The following TBXAS1 variants were observed in gnomAD, a reference collection of about 807,000 sequenced individuals.
The protein encoded by TBXAS1 is thromboxane-A synthase.
Under a neutral mutation model 60.7 loss-of-function variants are expected in TBXAS1, and 48 were observed. That is an observed-to-expected ratio of 0.79 (90% CI 0.63 to 1.01). TBXAS1 has a LOEUF of 1.01. Ranked by LOEUF, TBXAS1 falls within the 50% of genes least tolerant of loss-of-function variation. The pLI is 0.00. For missense variants in TBXAS1, 685 were observed against 686.3 expected (o/e 1.00, Z 0.02); for synonymous variants, 287 against 269.7 (o/e 1.06, Z -0.63).
At chr7:139,951,890 GGAAGGAAGGAA>G (rs879358428) in intron 5 of TBXAS1, among the ~76,000 whole-genome samples, 6,753 of 28,550 alleles carry the variant, frequency 0.24, 1,974 homozygotes, top group African/African-American at 0.26. Flanking sequence ...AAAGAAGGAA[GGAAGGAAGGAA>G]AGAAAGAGAA....
At chr7:139,998,786 GTGTT>G (rs1813468030) in intron 9 of TBXAS1, among the ~76,000 whole-genome samples, 1 of 152,224 alleles carries the variant, frequency 6.6e-6, no homozygotes, top group Non-Finnish European at 1.5e-5. Flanking sequence ...CGTGGGTTGT[GTGTT>G]TGTGTGCGCA....
chr7:139,869,399 T>C (rs962463238), intron 1 of TBXAS1, among the ~76,000 whole-genome samples: 2 of 152,028 alleles, frequency 1.3e-5, no homozygotes, highest in African/African-American at 4.8e-5. Context: ...TATTTATTTA[T>C]TTTTTTGAGA....
intron 4 of TBXAS1, among the ~76,000 whole-genome samples, chr7:139,918,508 C>T (rs1375684006): frequency 6.6e-6 from 1 of 152,196 alleles, no homozygotes; most frequent in Non-Finnish European, 1.5e-5. Flanking sequence ...TGGCCAGAAA[C>T]TCTGCTGAGA....
At position 139,968,494 on chromosome 7, in the gene TBXAS1, C is replaced by T. The variant is rs571430948; in HGVS notation, c.1134+6261C>T. On this transcript the variant is annotated intron_variant, in intron 9 of 12. Coordinates refer to ENST00000448866, the MANE Select transcript of TBXAS1 (RefSeq NM_001061.7). ...ATTTTTAGTAGACATGGGATTTTTC[C>T]ATGTTGGTCAGTCTGGTCTTGAACT... 2.6e-5 allele frequency among the ~76,000 whole-genome samples: 4 copies of T among 152,182 alleles called. No homozygotes were observed. The South Asian group carries it at 8.3e-4, about 32-fold the overall frequency.
intron 9 of TBXAS1, among the ~76,000 whole-genome samples, chr7:140,001,033 G>A (rs1484930140): frequency 3.9e-5 from 6 of 152,218 alleles, no homozygotes; most frequent in Non-Finnish European, 5.9e-5. Flanking sequence ...CCAAGGCCAT[G>A]GCTAAGGGTT....
chr7:139,818,403 G>A (rs976772937), intron 4 of TBXAS1, among the ~76,000 whole-genome samples: 7 of 152,134 alleles, frequency 4.6e-5, no homozygotes, highest in African/African-American at 1.7e-4. Context: ...AATGTTCAAG[G>A]TACGAAGGTG....
intron 10 of TBXAS1, among the ~76,000 whole-genome samples, chr7:140,014,453 T>A (rs534369660): frequency 5.9e-5 from 9 of 152,034 alleles, no homozygotes; most frequent in African/African-American, 2.2e-4. Flanking sequence ...GGAAGTTGAA[T>A]CTGGGAGGGC....
intron 4 of TBXAS1, among the ~76,000 whole-genome samples, chr7:139,926,766 A>C (rs1048138626): frequency 3.9e-5 from 6 of 151,936 alleles, no homozygotes; most frequent in Non-Finnish European, 7.4e-5. Flanking sequence ...ACTTATAACT[A>C]TAAATTTTCT....
chr7:139,930,491 C>T (rs186130336), intron 4 of TBXAS1, among the ~76,000 whole-genome samples: 11 of 152,306 alleles, frequency 7.2e-5, no homozygotes, highest in African/African-American at 2.4e-4. Context: ...GAGGTCAGCT[C>T]TCAAAGTCAC....
At chr7:139,941,471 T>C (rs773513722) in intron 5 of TBXAS1, among the ~76,000 whole-genome samples, 11 of 151,634 alleles carry the variant, frequency 7.3e-5, no homozygotes, top group South Asian at 2.1e-4. Context: ...AGGGATAATA[T>C]AGAGCAACAG....
chr7:140,015,682 T>A (rs779127321), intron 10 of TBXAS1, 41 bp from the exon 11 acceptor site: 13 of 1,610,226 alleles, frequency 8.1e-6, no homozygotes, highest in African/African-American at 2.7e-5. Flanking sequence ...CTGCTCCTCA[T>A]CTCTTCTCTG....
intron 2 of TBXAS1, among the ~76,000 whole-genome samples, chr7:139,874,578 T>C (rs570115530): frequency 1.6e-4 from 24 of 152,292 alleles, no homozygotes; most frequent in African/African-American, 5.8e-4. Context: ...AAGGCATGTG[T>C]TTCCATGCAG....
At chr7:139,958,782 C>A (rs1810082883) in intron 8 of TBXAS1, among the ~76,000 whole-genome samples, 1 of 152,212 alleles carries the variant, frequency 6.6e-6, no homozygotes, top group South Asian at 2.1e-4. Flanking sequence ...CTTGCAGCCC[C>A]CTCGGCCCAC....
intron 3 of TBXAS1, among the ~76,000 whole-genome samples, chr7:139,901,515 C>A (rs1804573741): frequency 1.3e-5 from 2 of 152,038 alleles, no homozygotes; most frequent in Middle Eastern, 3.4e-3. Flanking sequence ...AATTGCTTTC[C>A]TTTTAGATCT....
chr7:139,807,262 A>AGTGGCACGATCATAGCTCACT (rs1797901730), intron 4 of TBXAS1, among the ~76,000 whole-genome samples: 1 of 152,178 alleles, frequency 6.6e-6, no homozygotes, highest in Non-Finnish European at 1.5e-5. Context: ...GCTGGAGTGC[A>AGTGGCACGATCATAGCTCACT]GTGGCACGAT....
At chr7:139,952,774 T>A in intron 5 of TBXAS1, 1 of 1,361,314 alleles carries the variant, frequency 7.3e-7, no homozygotes, top group Non-Finnish European at 9.6e-7. Flanking sequence ...ATAGGAGGCA[T>A]CTTGAAGTCA....
At chr7:139,842,216 A>G (rs1799496321) in intron 1 of TBXAS1, among the ~76,000 whole-genome samples, 1 of 152,294 alleles carries the variant, frequency 6.6e-6, no homozygotes, top group East Asian at 1.9e-4. Flanking sequence ...CTAGTAAGGA[A>G]TTCAGGCTTC....
At chr7:139,833,507 TACA>T (rs1798846918) in intron 1 of TBXAS1, among the ~76,000 whole-genome samples, 1 of 6,402 alleles carries the variant, frequency 1.6e-4, no homozygotes, top group Non-Finnish European at 4.0e-4. Context: ...CTACTAAAAA[TACA>T]AAAAAAAAAA....
At chr7:139,831,513 C>A (rs1332984110) in intron 1 of TBXAS1, among the ~76,000 whole-genome samples, 6 of 152,168 alleles carry the variant, frequency 3.9e-5, no homozygotes, top group Admixed American at 3.3e-4. Flanking sequence ...GGTGTAGAGA[C>A]ACTTGCAGGA....
Sources: allele counts gnomAD v4.1 joint callset (sites outside exome capture counted in the v4.1 genomes callset), GRCh38; gene constraint gnomAD v4.1.1; transcripts MANE v1.5; gene names NCBI Gene and HGNC (gene_info 2026-07-23, HGNC 2026-07-21).